The following SLC44A5 variants were observed in gnomAD, a reference collection of about 807,000 sequenced individuals.
SLC44A5 encodes choline transporter-like protein 5.
SLC44A5 carries 57 observed loss-of-function variants against 101.8 expected under a neutral mutation model. The observed-to-expected ratio is 0.56, with a 90% CI of 0.45 to 0.70. SLC44A5 has a LOEUF of 0.70. Among genes scored for constraint, SLC44A5 ranks in the 30% least tolerant of loss-of-function variants. The probability of loss-of-function intolerance (pLI) is 0.00; values close to 1 mark genes in which losing one functional copy is unlikely to be tolerated. For synonymous variants in SLC44A5, 281 were observed against 290.9 expected, an observed-to-expected ratio of 0.97 and a Z score of 0.35; for missense variants, 737 against 853.1, an observed-to-expected ratio of 0.86 and a Z score of 1.70.
the SLC44A5 span, among the ~76,000 whole-genome samples, chr1:75,681,667 A>G: frequency 6.7e-6 from 1 of 149,450 alleles, no homozygotes; most frequent in Non-Finnish European, 1.5e-5. Flanking sequence ...AATGGGCAAA[A>G]ACTGGAAGCA....
chr1:75,712,813 A>G, the SLC44A5 span, among the ~76,000 whole-genome samples: 84 of 151,886 alleles, frequency 5.5e-4, no homozygotes, highest in African/African-American at 1.9e-3. Flanking sequence ...TATTTATCTG[A>G]GGGAAAAAAA....
the SLC44A5 span, among the ~76,000 whole-genome samples, chr1:75,714,901 T>C: frequency 0.29 from 44,667 of 152,046 alleles, 6,768 homozygotes; most frequent in Non-Finnish European, 0.33. Context: ...CTCAAACTCC[T>C]GACCTCAGGT....
At chr1:75,626,219 T>C in the SLC44A5 span, among the ~76,000 whole-genome samples, 5 of 152,132 alleles carry the variant, frequency 3.3e-5, no homozygotes, top group Admixed American at 3.3e-4. Context: ...AGAAGGTCAG[T>C]GATCAGATTC....
At chr1:75,354,559 C>A (rs746903217) in intron 3 of SLC44A5, among the ~76,000 whole-genome samples, 1 of 152,182 alleles carries the variant, frequency 6.6e-6, no homozygotes, top group South Asian at 2.1e-4. Context: ...GAGCTTGGGG[C>A]CTTTGCAGCC....
intron 2 of SLC44A5, among the ~76,000 whole-genome samples, chr1:75,417,340 G>A (rs919327962): frequency 4.6e-5 from 7 of 152,152 alleles, no homozygotes; most frequent in African/African-American, 9.7e-5. Flanking sequence ...TGCCATGATC[G>A]TGAGGCTTCT....
At chr1:75,540,919 G>A (rs1332497056) in intron 2 of SLC44A5, among the ~76,000 whole-genome samples, 1 of 152,156 alleles carries the variant, frequency 6.6e-6, no homozygotes, top group East Asian at 1.9e-4. Context: ...TCAGGGCTAA[G>A]TTTGAAGTAA....
intron 2 of SLC44A5, among the ~76,000 whole-genome samples, chr1:75,417,307 G>A (rs1334592582): frequency 6.6e-6 from 1 of 152,174 alleles, no homozygotes; most frequent in Non-Finnish European, 1.5e-5. Flanking sequence ...CATGTAAGAT[G>A]TGACTTGGTC....
intron 1 of SLC44A5, among the ~76,000 whole-genome samples, chr1:75,600,985 A>T (rs1180097387): frequency 6.6e-6 from 1 of 152,306 alleles, no homozygotes; most frequent in African/African-American, 2.4e-5. Context: ...AATATGAGAA[A>T]CAAAATGAAT....
At chr1:75,723,447 A>G in the SLC44A5 span, among the ~76,000 whole-genome samples, 1 of 152,168 alleles carries the variant, frequency 6.6e-6, no homozygotes, top group Non-Finnish European at 1.5e-5. Flanking sequence ...GAATGGTGGC[A>G]GGAACTACCG....
chr1:75,644,649 T>A, the SLC44A5 span, among the ~76,000 whole-genome samples: 2 of 151,740 alleles, frequency 1.3e-5, no homozygotes, highest in Non-Finnish European at 2.9e-5. Context: ...TATATTTTTT[T>A]TTAATTATAC....
intron 3 of SLC44A5, among the ~76,000 whole-genome samples, chr1:75,390,359 A>G (rs1661702721): frequency 6.6e-6 from 1 of 151,552 alleles, no homozygotes; most frequent in Non-Finnish European, 1.5e-5. Context: ...CAAGAAACAA[A>G]GAAAACTCCA....
the SLC44A5 span, chr1:75,710,561 C>T: frequency 9.5e-5 from 3 of 31,514 alleles, no homozygotes; most frequent in Admixed American, 1.1e-3. Context: ...GAGACCCTAC[C>T]TAAAAAAAAA....
intron 2 of SLC44A5, among the ~76,000 whole-genome samples, chr1:75,478,830 T>TGATCTCA (rs1321416211): frequency 6.6e-6 from 1 of 152,078 alleles, no homozygotes; most frequent in East Asian, 1.9e-4. Context: ...CTGTCAACAT[T>TGATCTCA]AGACAGATCA....
chr1:75,666,570 T>C, the SLC44A5 span, among the ~76,000 whole-genome samples: 1 of 152,114 alleles, frequency 6.6e-6, no homozygotes, highest in Admixed American at 6.6e-5. Context: ...AAAGAGGGAA[T>C]CCTCCATAAC....
intron 22 of SLC44A5, among the ~76,000 whole-genome samples, chr1:75,211,814 C>CTTGCT (rs1553140824): frequency 1.4e-4 from 21 of 146,768 alleles, no homozygotes; most frequent in African/African-American, 5.0e-4. Context: ...TTCCTTTCCC[C>CTTGCT]TTTCTTTTCT....
chr1:75,556,653 C>A (rs1347526578), intron 1 of SLC44A5, among the ~76,000 whole-genome samples: 1 of 152,002 alleles, frequency 6.6e-6, no homozygotes, highest in East Asian at 1.9e-4. Context: ...ACAGAAAAAC[C>A]AACTTCAGGG....
At chr1:75,500,312 T>C (rs1239409606) in intron 2 of SLC44A5, among the ~76,000 whole-genome samples, 2 of 152,206 alleles carry the variant, frequency 1.3e-5, no homozygotes, top group Non-Finnish European at 2.9e-5. Flanking sequence ...GGCCAGGCAG[T>C]AAATAATAAG....
intron 1 of SLC44A5, chr1:75,582,310 C>T: frequency 6.6e-7 from 1 of 1,504,274 alleles, no homozygotes; most frequent in African/African-American, 1.4e-5. Flanking sequence ...CAAAGGCTAT[C>T]AAGGCCCTGG....
At chr1:75,226,949 C>CA (rs1482379168) in intron 13 of SLC44A5, among the ~76,000 whole-genome samples, 1 of 152,136 alleles carries the variant, frequency 6.6e-6, no homozygotes, top group East Asian at 1.9e-4. Flanking sequence ...AGAAACACTT[C>CA]AAAAATGCAA....
Sources: gnomAD v4.1 joint callset for allele counts (sites outside exome capture counted in the v4.1 genomes callset) on GRCh38, gnomAD v4.1.1 for gene constraint, MANE v1.5 for transcripts, NCBI Gene and HGNC (gene_info 2026-07-23, HGNC 2026-07-21) for gene names.